The following PEAK1 variants were observed in gnomAD, a reference collection of about 807,000 sequenced individuals.
PEAK1 encodes the protein pseudopodium enriched atypical kinase 1, also known as inactive tyrosine-protein kinase PEAK1.
Under a neutral mutation model 124.7 loss-of-function variants are expected in PEAK1, and 54 were observed. The ratio of observed to expected loss-of-function variants is 0.43; its 90% confidence interval spans 0.35 to 0.54. PEAK1 has a LOEUF of 0.54. Ranked by LOEUF, PEAK1 falls within the 20% of genes least tolerant of loss-of-function variation. The probability of loss-of-function intolerance (pLI) is 0.01; values close to 1 mark genes in which losing one functional copy is unlikely to be tolerated. For missense variants in PEAK1, 2,046 were observed against 2,134.5 expected (o/e 0.96, Z 0.82); for synonymous variants, 719 against 760.0 (o/e 0.95, Z 0.89).
chr15:77,132,922 AG>A (rs2052998950), intron 9 of PEAK1, 82 bp downstream of exon 9: 1 of 1,374,322 alleles, frequency 7.3e-7, no homozygotes, highest in Admixed American at 2.2e-5. Flanking sequence ...AATGAAGGAA[AG>A]AAAGGAGAAA....
chr15:77,286,468 T>G lies in PEAK1; in HGVS notation c.-566A>C, dbSNP rs527684872. 3 of 1,230,102 alleles carry G rather than the reference T, an allele frequency of 2.4e-6. No homozygotes were observed. The highest frequency in any genetic ancestry group is 3.1e-5 in the African/African-American group (2 of 64,498). 76.2% of individuals were successfully genotyped at this position (1,230,102 alleles called of 1,614,324 possible). ...TCTGGGCATTATGTTGTTGCTTCCT[T>G]TTCTTTCCTTACAAATGGATCTCAA... On this transcript the variant is annotated 5_prime_UTR_variant, in exon 3 of 10. Coordinates refer to ENST00000682557, the MANE Select transcript of PEAK1 (RefSeq NM_001385026.1).
In PEAK1 at chr15:77,181,061, T is replaced by C; in HGVS notation, c.866A>G (p.Lys289Arg). Residue 289 changes from lysine to arginine, a missense_variant, in exon 7 of 10, where the codon AAA becomes AGA. By Grantham distance (26) the Lys-to-Arg change is conservative (BLOSUM62 2). Transcript: ENST00000682557. ...TCGCAGGGGGATGGTATTCCATTTTTTGTCCACAAAGAATCGAACAGGAGA... is the reference window on the plus strand; with the variant it reads ...TCGCAGGGGGATGGTATTCCATTTTCTGTCCACAAAGAATCGAACAGGAGA... ...TLSPVRFFVD[K>R]KWNTIPLRNK... The C allele has an allele frequency of 1.2e-6, 2 of 1,614,214 alleles. No homozygotes were observed. The highest frequency in any genetic ancestry group is 4.5e-5 in the East Asian group (2 of 44,886).
At chr15:77,265,398 C>A (rs2061669063) in intron 5 of PEAK1, among the ~76,000 whole-genome samples, 1 of 152,048 alleles carries the variant, frequency 6.6e-6, no homozygotes, top group Non-Finnish European at 1.5e-5. Context: ...TGAACTCAAA[C>A]AAATTTACAA....
At chr15:77,336,246 C>A (rs1432796542) in intron 2 of PEAK1, 1 of 985,236 alleles carries the variant, frequency 1.0e-6, no homozygotes, top group East Asian at 1.1e-4. Context: ...CCACAATGGG[C>A]ACAAAGAATC....
At chr15:77,354,399 T>C (rs142431114) in intron 2 of PEAK1, among the ~76,000 whole-genome samples, 2 of 152,348 alleles carry the variant, frequency 1.3e-5, no homozygotes, top group Admixed American at 6.5e-5. Flanking sequence ...AGTTATCTCC[T>C]ATCTGGACTA....
At position 77,111,348 on chromosome 15, in the gene PEAK1, G is replaced by A. The variant is rs756053451; in HGVS notation, c.*2808C>T. The A allele has an allele frequency of 1.3e-4, 20 of 152,178 alleles. No homozygotes were observed. Among genetic ancestry groups the A allele is most frequent in the Non-Finnish European group, 7.4e-5 (5 of 68,026 alleles). 9.4% of individuals were successfully genotyped at this position (152,178 alleles called of 1,614,324 possible). ...AAAATATTTGTGATAATGTTAAACT[G>A]ACTGAATTTCATTTTTTTGGAAAAA... On this transcript the variant is annotated 3_prime_UTR_variant, in exon 10 of 10. Transcript: ENST00000682557.
intron 1 of PEAK1, among the ~76,000 whole-genome samples, chr15:77,405,148 G>A (rs961050245): frequency 1.3e-5 from 2 of 151,992 alleles, no homozygotes; most frequent in South Asian, 2.1e-4. Flanking sequence ...TGGGACTACA[G>A]GTGCACGCCA....
In PEAK1 at chr15:77,229,889, C is replaced by T. The variant is rs189888223; in HGVS notation, c.-115+22478G>A. Among the ~76,000 whole-genome samples, 105 of 152,172 alleles carry T rather than the reference C, an allele frequency of 6.9e-4. 1 individual carries two copies. Among genetic ancestry groups the T allele is most frequent in the African/African-American group, 2.4e-3 (98 of 41,540 alleles). On this transcript the variant is annotated intron_variant, in intron 6 of 9. Transcript: ENST00000682557. ...CTCACACTCTCAACCTCAGGTGATCCGCCGGCCTTGGCCTCCCAAAGTGCT... is the reference window on the plus strand; with the variant it reads ...CTCACACTCTCAACCTCAGGTGATCTGCCGGCCTTGGCCTCCCAAAGTGCT...
At chr15:77,349,084 G>A (rs1369480359) in intron 2 of PEAK1, 5 of 800,056 alleles carry the variant, frequency 6.2e-6, no homozygotes, top group Non-Finnish European at 6.0e-6. Context: ...CTGTCGCCCA[G>A]GCTAGAGTGC....
rs192504627 is a variant in PEAK1, at chr15:77,273,042, C to T, written c.-275+10841G>A. ...TCATCTCAATAGATTGCACAAAAAG[C>T]GTTTGACAAAATCCAGCATCCCTTT... On this transcript the variant is annotated intron_variant, in intron 5 of 9. Transcript: ENST00000682557. 3.9e-5 allele frequency among the ~76,000 whole-genome samples: 6 copies of T among 152,150 alleles called. No individual in the cohort carries two copies. In the East Asian group the frequency reaches 5.8e-4, roughly 15 times the overall value.
At chr15:77,380,301 G>T (rs886316504) in intron 1 of PEAK1, among the ~76,000 whole-genome samples, 1 of 152,102 alleles carries the variant, frequency 6.6e-6, no homozygotes, top group Non-Finnish European at 1.5e-5. Context: ...CTGAAAATCT[G>T]CCAGATAATT....
At chr15:77,199,154 CTT>C (rs2058244249) in intron 6 of PEAK1, among the ~76,000 whole-genome samples, 1 of 152,230 alleles carries the variant, frequency 6.6e-6, no homozygotes, top group South Asian at 2.1e-4. Context: ...AGCTGCCACT[CTT>C]GTTTATACAG....
rs1300423616 is a variant in PEAK1, at chr15:77,180,720, A to G, written c.1207T>C (p.Ser403Pro). The change falls in exon 7 of 10, where the codon TCC becomes CCC. Residue 403 changes from serine to proline, a missense_variant. Ser to Pro is a moderately conservative substitution (Grantham distance 74). Coordinates refer to ENST00000682557, the MANE Select transcript of PEAK1 (RefSeq NM_001385026.1). Reference protein sequence around the residue: ...NNQDKDSSQASKSSIKVPETH... With the variant: ...NNQDKDSSQAPKSSIKVPETH... ...TCTGGAACTTTTATTGAGCTTTTGG[A>G]AGCCTGTGATGAATCTTTATCCTGA... 6.2e-7 allele frequency: 1 copy of G among 1,613,918 alleles called. No individual in the cohort carries two copies. The highest frequency in any genetic ancestry group is 8.5e-7 in the Non-Finnish European group (1 of 1,179,950).
At chr15:77,103,864 C>T (rs902747535), downstream of PEAK1, 3 of 152,286 alleles carry the variant, frequency 2.0e-5, no homozygotes, top group Non-Finnish European at 2.9e-5. Flanking sequence ...CTGGCGATCC[C>T]ATAGGAGTTC....
chr15:77,246,603 G>C (rs1009356012), intron 6 of PEAK1, among the ~76,000 whole-genome samples: 3 of 152,128 alleles, frequency 2.0e-5, no homozygotes, highest in Non-Finnish European at 4.4e-5. Context: ...TTTCATGAGT[G>C]CTTTGTAGAT....
chr15:77,410,071 G>A (rs2072268036), intron 1 of PEAK1, among the ~76,000 whole-genome samples: 4 of 128,068 alleles, frequency 3.1e-5, no homozygotes, highest in South Asian at 2.3e-4. Context: ...TGGTGTGTGT[G>A]TGTGTTTTTT....
At chr15:77,263,646 A>G (rs903334489) in intron 5 of PEAK1, among the ~76,000 whole-genome samples, 9 of 152,196 alleles carry the variant, frequency 5.9e-5, no homozygotes, top group African/African-American at 1.9e-4. Context: ...CCAGGACCAG[A>G]TGGATTCACA....
At chr15:77,398,169 C>T (rs549211349) in intron 1 of PEAK1, among the ~76,000 whole-genome samples, 75 of 152,258 alleles carry the variant, frequency 4.9e-4, no homozygotes, top group Middle Eastern at 6.8e-3. Flanking sequence ...CTGAATTCTA[C>T]ATAATATTTA....
At chr15:77,210,669 C>T (rs1336039637) in intron 6 of PEAK1, among the ~76,000 whole-genome samples, 1 of 152,200 alleles carries the variant, frequency 6.6e-6, no homozygotes, top group Non-Finnish European at 1.5e-5. Flanking sequence ...CACCTGAGGT[C>T]AGGAGTTTGA....
Sources: gnomAD v4.1 joint callset for allele counts (sites outside exome capture counted in the v4.1 genomes callset) on GRCh38, gnomAD v4.1.1 for gene constraint, MANE v1.5 for transcripts, NCBI Gene and HGNC (gene_info 2026-07-23, HGNC 2026-07-21) for gene names.